CCSER1: variants seen among roughly 807,000 people sequenced by gnomAD.
CCSER1 encodes serine-rich coiled-coil domain-containing protein 1.
CCSER1 carries 41 observed loss-of-function variants against 82.0 expected under a neutral mutation model. That is an observed-to-expected ratio of 0.50 (90% CI 0.39 to 0.65). CCSER1 has a LOEUF of 0.65. Ranked by LOEUF, CCSER1 falls within the 30% of genes least tolerant of loss-of-function variation. The probability of loss-of-function intolerance (pLI) is 0.00; values close to 1 mark genes in which losing one functional copy is unlikely to be tolerated. For missense variants in CCSER1, 1,119 were observed against 1,064.2 expected, an observed-to-expected ratio of 1.05 and a Z score of -0.72; for synonymous variants, 414 against 383.9, an observed-to-expected ratio of 1.08 and a Z score of -0.92.
At chr4:91,151,306 A>C (rs573052835) in intron 10 of CCSER1, among the ~76,000 whole-genome samples, 6 of 152,112 alleles carry the variant, frequency 3.9e-5, no homozygotes, top group Non-Finnish European at 7.4e-5. Flanking sequence ...CTGTGGGATC[A>C]GTGGTGATAT....
chr4:91,280,189 A>G (rs1198086514), intron 10 of CCSER1, among the ~76,000 whole-genome samples: 1 of 152,214 alleles, frequency 6.6e-6, no homozygotes, highest in Non-Finnish European at 1.5e-5. Context: ...TGCTGGCACC[A>G]GTGTTAGTGG....
At chr4:91,050,144 C>T (rs1229584382) in intron 9 of CCSER1, among the ~76,000 whole-genome samples, 1 of 152,122 alleles carries the variant, frequency 6.6e-6, no homozygotes. Flanking sequence ...AAAATGCATA[C>T]ACTAGGCCAG....
chr4:90,287,619 A>G (rs1730139924), intron 1 of CCSER1, among the ~76,000 whole-genome samples: 1 of 151,876 alleles, frequency 6.6e-6, no homozygotes, highest in Admixed American at 6.6e-5. Flanking sequence ...CATGTAAAGG[A>G]TTCCTGCATT....
intron 1 of CCSER1, among the ~76,000 whole-genome samples, chr4:90,156,032 A>C (rs1169367508): frequency 6.6e-6 from 1 of 152,158 alleles, no homozygotes; most frequent in East Asian, 1.9e-4. Context: ...TTCCCTCTAC[A>C]CACTGCTTTG....
intron 10 of CCSER1, among the ~76,000 whole-genome samples, chr4:91,410,276 T>A (rs1490981665): frequency 1.3e-5 from 2 of 152,148 alleles, no homozygotes; most frequent in Non-Finnish European, 2.9e-5. Flanking sequence ...AAATCCAAGA[T>A]TTTTTTCAAT....
At chr4:91,412,287 C>T (rs925188476) in intron 10 of CCSER1, among the ~76,000 whole-genome samples, 1 of 151,986 alleles carries the variant, frequency 6.6e-6, no homozygotes, top group African/African-American at 2.4e-5. Flanking sequence ...CCACTCAAGC[C>T]TTGAGTGACA....
chr4:91,250,510 T>C (rs761638701), intron 10 of CCSER1, among the ~76,000 whole-genome samples: 2 of 152,002 alleles, frequency 1.3e-5, no homozygotes, highest in African/African-American at 2.4e-5. Context: ...AATAGGTATA[T>C]TTCATTCATT....
chr4:90,479,284 A>G (rs1423691869), intron 5 of CCSER1, among the ~76,000 whole-genome samples: 1 of 152,096 alleles, frequency 6.6e-6, no homozygotes, highest in African/African-American at 2.4e-5. Flanking sequence ...ATTTATGTGT[A>G]TGTTTTTCTC....
chr4:90,955,035 T>C (rs1733292160), intron 9 of CCSER1, among the ~76,000 whole-genome samples: 1 of 152,228 alleles, frequency 6.6e-6, no homozygotes, highest in Non-Finnish European at 1.5e-5. Flanking sequence ...AATATTTATC[T>C]ACATTATCTA....
chr4:90,479,484 A>C (rs1452555529), intron 5 of CCSER1, among the ~76,000 whole-genome samples: 2 of 152,078 alleles, frequency 1.3e-5, no homozygotes, highest in Non-Finnish European at 2.9e-5. Context: ...CCATTAACTC[A>C]TCATTTACAT....
Position 90,894,615 on chromosome 4 carries a change from G to A in CCSER1, c.2095-28755G>A, listed in dbSNP as rs969286967. 4.0e-5 allele frequency among the ~76,000 whole-genome samples: 6 copies of A among 151,680 alleles called. No individual in the cohort carries two copies. In the Middle Eastern group the frequency reaches 0.01, roughly 258 times the overall value. On this transcript the variant is annotated intron_variant, in intron 8 of 10. Transcript: ENST00000509176. The stretch of plus-strand genomic sequence containing the variant: ...CCCTTTTTTGTCTTCTTCTCAACTT[G>A]CTTCTCCTGTTCATTTTTGCCTTAT...
At chr4:91,253,968 A>G (rs1480964151) in intron 10 of CCSER1, among the ~76,000 whole-genome samples, 1 of 152,180 alleles carries the variant, frequency 6.6e-6, no homozygotes, top group Non-Finnish European at 1.5e-5. Context: ...AACTGCCCCC[A>G]TGATCCAATC....
At chr4:90,344,712 G>A (rs975476853) in intron 3 of CCSER1, among the ~76,000 whole-genome samples, 1 of 152,006 alleles carries the variant, frequency 6.6e-6, no homozygotes, top group African/African-American at 2.4e-5. Context: ...AAGTTGGGGA[G>A]CATCTGTACT....
chr4:91,266,083 A>G (rs1741548808), intron 10 of CCSER1, among the ~76,000 whole-genome samples: 1 of 152,168 alleles, frequency 6.6e-6, no homozygotes, highest in African/African-American at 2.4e-5. Context: ...TCATGATGCA[A>G]TTATCTCCCA....
chr4:90,222,632 C>A (rs1042948656), intron 1 of CCSER1, among the ~76,000 whole-genome samples: 5 of 151,976 alleles, frequency 3.3e-5, no homozygotes, highest in African/African-American at 1.2e-4. Flanking sequence ...CTTTTTAATC[C>A]CTTGGTACTC....
chr4:90,340,308 T>C (rs1311041977), intron 3 of CCSER1, among the ~76,000 whole-genome samples: 1 of 152,186 alleles, frequency 6.6e-6, no homozygotes, highest in East Asian at 1.9e-4. Context: ...TTCTAAAGCG[T>C]TGATTTACAT....
rs576582176 is a variant in CCSER1, at chr4:90,840,216, C to A, written c.2094+24371C>A. The stretch of plus-strand genomic sequence containing the variant: ...GAGAGAAAAATTTTAAATAGTTCTA[C>A]CAATATCTAATATTAAATGTGTGTG... On this transcript the variant is annotated intron_variant, in intron 8 of 10. Transcript: ENST00000509176. Among the ~76,000 whole-genome samples, 5 of 152,046 alleles carry A rather than the reference C, an allele frequency of 3.3e-5. No individual in the cohort carries two copies. The South Asian group carries it at 1.0e-3, about 32-fold the overall frequency.
intron 10 of CCSER1, among the ~76,000 whole-genome samples, chr4:91,370,686 ACT>A (rs1237836527): frequency 6.6e-6 from 1 of 150,602 alleles, no homozygotes; most frequent in Non-Finnish European, 1.5e-5. Context: ...ACAGAATGAG[ACT>A]CTGTCTCAAA....
At chr4:91,389,957 T>C (rs1751546622) in intron 10 of CCSER1, among the ~76,000 whole-genome samples, 1 of 152,092 alleles carries the variant, frequency 6.6e-6, no homozygotes, top group Admixed American at 6.6e-5. Context: ...GTTCCAGAAA[T>C]TTTTTGTAGA....
Sources: allele counts gnomAD v4.1 joint callset (sites outside exome capture counted in the v4.1 genomes callset), GRCh38; gene constraint gnomAD v4.1.1; transcripts MANE v1.5; gene names NCBI Gene and HGNC (gene_info 2026-07-23, HGNC 2026-07-21).